The following LYZL4 variants were observed in gnomAD, a reference collection of about 807,000 sequenced individuals.
The protein encoded by LYZL4 is lysozyme-like protein 4.
A neutral mutation model predicts 17.6 loss-of-function variants in LYZL4; 13 were observed. The observed-to-expected ratio is 0.74, with a 90% CI of 0.48 to 1.18. The LOEUF is 1.18. LYZL4 is among the 50% of genes most tolerant of loss of function. The pLI is 0.00. For synonymous variants in LYZL4, 64 were observed against 67.7 expected (o/e 0.95, Z 0.27); for missense variants, 174 against 188.2 (o/e 0.92, Z 0.44).
chr3:42,403,264 C>T (rs1449853334), intron 4 of LYZL4, among the ~76,000 whole-genome samples: 1 of 150,856 alleles, frequency 6.6e-6, no homozygotes, highest in Non-Finnish European at 1.5e-5. Context: ...TTATTATCCA[C>T]CTTTTTTTTT....
At chr3:42,376,199 AG>A in the LYZL4 span, among the ~76,000 whole-genome samples, 1 of 152,244 alleles carries the variant, frequency 6.6e-6, no homozygotes, top group Non-Finnish European at 1.5e-5. Flanking sequence ...CCCAAGAACA[AG>A]TTCCAGGCCT....
At chr3:42,369,241 AAAT>A in the LYZL4 span, among the ~76,000 whole-genome samples, 26,214 of 152,118 alleles carry the variant, frequency 0.17, 5,904 homozygotes, top group African/African-American at 0.52. Flanking sequence ...CTATTTTGAA[AAAT>A]AATACATTTA....
chr3:42,362,039 C>A, the LYZL4 span, among the ~76,000 whole-genome samples: 1 of 152,114 alleles, frequency 6.6e-6, no homozygotes, highest in African/African-American at 2.4e-5. Flanking sequence ...TCACAAGAGC[C>A]AGTTGGCACG....
At chr3:42,404,015 A>C in intron 4 of LYZL4, 31 bp downstream of exon 4, 1 of 1,463,550 alleles carries the variant, frequency 6.8e-7, no homozygotes, top group Non-Finnish European at 9.5e-7. Context: ...GAAAGTCGTT[A>C]ATACAGGCTA....
the LYZL4 span, among the ~76,000 whole-genome samples, chr3:42,373,556 T>C: frequency 6.6e-6 from 1 of 152,134 alleles, no homozygotes; most frequent in Non-Finnish European, 1.5e-5. Flanking sequence ...AGGGTGTGCA[T>C]GTGTGTGTGC....
the LYZL4 span, among the ~76,000 whole-genome samples, chr3:42,382,982 A>G: frequency 6.6e-6 from 1 of 152,048 alleles, no homozygotes; most frequent in Admixed American, 6.6e-5. Flanking sequence ...AAGCGAGGCT[A>G]AGTGGCTCAA....
intron 4 of LYZL4, among the ~76,000 whole-genome samples, chr3:42,400,281 T>C (rs187566674): frequency 1.7e-3 from 253 of 152,278 alleles, no homozygotes; most frequent in African/African-American, 5.9e-3. Flanking sequence ...ATAACTGTCC[T>C]TTGGTTGCCT....
At chr3:42,366,521 C>G in the LYZL4 span, among the ~76,000 whole-genome samples, 1 of 152,230 alleles carries the variant, frequency 6.6e-6, no homozygotes, top group Admixed American at 6.5e-5. Context: ...TCCTGCTTCC[C>G]CTTTCTCTCT....
chr3:42,390,138 TAG>T, the LYZL4 span, among the ~76,000 whole-genome samples: 1 of 152,164 alleles, frequency 6.6e-6, no homozygotes, highest in East Asian at 1.9e-4. Context: ...GTCAGGGATT[TAG>T]AAGGAACAAG....
the LYZL4 span, among the ~76,000 whole-genome samples, chr3:42,383,690 G>C: frequency 6.6e-6 from 1 of 151,750 alleles, no homozygotes; most frequent in East Asian, 1.9e-4. Flanking sequence ...AAACAACATA[G>C]GATGCTAATA....
At chr3:42,368,202 G>C in the LYZL4 span, among the ~76,000 whole-genome samples, 3 of 152,234 alleles carry the variant, frequency 2.0e-5, no homozygotes, top group African/African-American at 7.2e-5. Context: ...GGGCTCTGCA[G>C]TAAACTTATG....
chr3:42,392,098 T>C (rs1390871986), downstream of LYZL4, among the ~76,000 whole-genome samples: 1 of 152,150 alleles, frequency 6.6e-6, no homozygotes, highest in East Asian at 1.9e-4. Context: ...TCTTGAACTC[T>C]TGGCCTCAAG....
the LYZL4 span, among the ~76,000 whole-genome samples, chr3:42,375,680 T>C: frequency 1.3e-5 from 2 of 152,174 alleles, no homozygotes; most frequent in Non-Finnish European, 2.9e-5. Flanking sequence ...AACACATTCA[T>C]GAAAATATGC....
chr3:42,371,193 C>A, the LYZL4 span, among the ~76,000 whole-genome samples: 2 of 152,208 alleles, frequency 1.3e-5, no homozygotes, highest in African/African-American at 4.8e-5. Context: ...TGGATGGTGC[C>A]TATCTTTCTC....
chr3:42,398,278 C>T (rs541726643), intron 4 of LYZL4, among the ~76,000 whole-genome samples: 49 of 152,328 alleles, frequency 3.2e-4, no homozygotes, highest in Non-Finnish European at 5.7e-4. Context: ...GAACACGTGG[C>T]TGCCTGTTAG....
chr3:42,374,360 G>A, the LYZL4 span, among the ~76,000 whole-genome samples: 4 of 152,158 alleles, frequency 2.6e-5, no homozygotes, highest in African/African-American at 9.7e-5. Context: ...TGACATAGTT[G>A]AAATGGATTT....
At chr3:42,365,424 T>A in the LYZL4 span, among the ~76,000 whole-genome samples, 1 of 152,206 alleles carries the variant, frequency 6.6e-6, no homozygotes, top group Non-Finnish European at 1.5e-5. Context: ...TCTGTAGTTA[T>A]CTAGGCTGGC....
chr3:42,378,055 A>G, the LYZL4 span, among the ~76,000 whole-genome samples: 1 of 152,304 alleles, frequency 6.6e-6, no homozygotes, highest in African/African-American at 2.4e-5. Flanking sequence ...TTTTGTAGAC[A>G]AAGCCTATGA....
chr3:42,397,923 C>T (rs1027543743), intron 4 of LYZL4, among the ~76,000 whole-genome samples: 1 of 152,202 alleles, frequency 6.6e-6, no homozygotes, highest in Admixed American at 6.5e-5. Flanking sequence ...CATGCCAGCA[C>T]CCAGACTTCA....
Sources: gnomAD v4.1 joint callset for allele counts (sites outside exome capture counted in the v4.1 genomes callset) on GRCh38, gnomAD v4.1.1 for gene constraint, MANE v1.5 for transcripts, NCBI Gene and HGNC (gene_info 2026-07-23, HGNC 2026-07-21) for gene names.